Variants in NBEA observed in about 807,000 individuals in gnomAD.
The protein encoded by NBEA is lysosomal-trafficking regulator 2.
NBEA carries 44 observed loss-of-function variants against 343.4 expected under a neutral mutation model. The ratio of observed to expected loss-of-function variants is 0.13; its 90% confidence interval spans 0.10 to 0.16. NBEA has a LOEUF of 0.16. NBEA is among the 10% of genes least tolerant of loss of function. The pLI, the probability that NBEA is intolerant of heterozygous loss-of-function variation, is 1.00. For synonymous variants in NBEA, 1,175 were observed against 1,238.7 expected, an observed-to-expected ratio of 0.95 and a Z score of 1.08; for missense variants, 2,555 against 3,631.3, an observed-to-expected ratio of 0.70 and a Z score of 7.62.
At chr13:35,450,525 G>A (rs2046257990) in intron 39 of NBEA, among the ~76,000 whole-genome samples, 1 of 151,978 alleles carries the variant, frequency 6.6e-6, no homozygotes, top group Admixed American at 6.6e-5. Flanking sequence ...ACATCAATAG[G>A]CAGTAATGGA....
chr13:35,412,658 T>C (rs1319753744), intron 38 of NBEA, among the ~76,000 whole-genome samples: 3 of 152,158 alleles, frequency 2.0e-5, no homozygotes. Context: ...CATACAGTAC[T>C]CTATGTATAT....
At position 35,051,016 on chromosome 13, in the gene NBEA, G is replaced by A. The variant is rs1256850426; in HGVS notation, c.972+621G>A. Reference sequence around the variant, plus strand: ...AATGCAGAGAACTGTGCAACTGTATGATTAGAATTATAAGAGATAATTCAT... The same window carrying A: ...AATGCAGAGAACTGTGCAACTGTATAATTAGAATTATAAGAGATAATTCAT... On this transcript the variant is annotated intron_variant, in intron 6 of 58. Transcript: ENST00000379939. Among the ~76,000 whole-genome samples the A allele has an allele frequency of 2.0e-5, 3 of 151,958 alleles. No homozygotes were observed. In the East Asian group the frequency reaches 5.8e-4, roughly 29 times the overall value.
chr13:34,973,628 G>A (rs2060070641), intron 1 of NBEA, among the ~76,000 whole-genome samples: 1 of 152,042 alleles, frequency 6.6e-6, no homozygotes, highest in Non-Finnish European at 1.5e-5. Flanking sequence ...GACTCTCCAG[G>A]GCCTGCAGGC....
chr13:35,284,014 A>ACC (rs201789637), intron 34 of NBEA, among the ~76,000 whole-genome samples: 2 of 141,490 alleles, frequency 1.4e-5, no homozygotes, highest in South Asian at 2.2e-4. Flanking sequence ...ACACACACAC[A>ACC]CCACACAGAT....
At chr13:35,235,335 C>G (rs1274030880) in intron 34 of NBEA, among the ~76,000 whole-genome samples, 1 of 152,110 alleles carries the variant, frequency 6.6e-6, no homozygotes, top group African/African-American at 2.4e-5. Flanking sequence ...AAAAACAAAT[C>G]TTAAATGTTT....
At chr13:35,140,027 A>C (rs578234709) in intron 17 of NBEA, among the ~76,000 whole-genome samples, 1 of 152,138 alleles carries the variant, frequency 6.6e-6, no homozygotes, top group East Asian at 1.9e-4. Context: ...TTAATTAATT[A>C]GTTCACTTTT....
At chr13:35,270,377 G>A (rs916739710) in intron 34 of NBEA, among the ~76,000 whole-genome samples, 1 of 152,190 alleles carries the variant, frequency 6.6e-6, no homozygotes, top group Admixed American at 6.5e-5. Context: ...ATGGCTGAGT[G>A]GGAAAAGCTT....
chr13:35,409,286 A>C (rs1302241626), intron 38 of NBEA, among the ~76,000 whole-genome samples: 1 of 152,130 alleles, frequency 6.6e-6, no homozygotes, highest in Admixed American at 6.6e-5. Context: ...AATGGAAGCT[A>C]AATGATGAGA....
intron 1 of NBEA, among the ~76,000 whole-genome samples, chr13:35,015,407 G>A (rs915446180): frequency 6.6e-6 from 1 of 151,914 alleles, no homozygotes; most frequent in African/African-American, 2.4e-5. Flanking sequence ...AAGATGGGAG[G>A]AGGCAAAAAA....
intron 8 of NBEA, among the ~76,000 whole-genome samples, chr13:35,062,109 T>C (rs929612248): frequency 1.5e-4 from 22 of 151,632 alleles, no homozygotes; most frequent in African/African-American, 5.3e-4. Context: ...AAATATCACA[T>C]GAGGTCTATT....
At chr13:35,372,144 T>A (rs1470517445) in intron 38 of NBEA, among the ~76,000 whole-genome samples, 2 of 152,192 alleles carry the variant, frequency 1.3e-5, no homozygotes, top group South Asian at 4.1e-4. Flanking sequence ...GGTGGGTAGA[T>A]GGGCAGATTG....
intron 1 of NBEA, among the ~76,000 whole-genome samples, chr13:34,967,961 A>T (rs1352120637): frequency 6.6e-6 from 1 of 152,116 alleles, no homozygotes; most frequent in Non-Finnish European, 1.5e-5. Flanking sequence ...CATTTCAGAT[A>T]CCAGCCTGAA....
intron 38 of NBEA, among the ~76,000 whole-genome samples, chr13:35,409,323 A>C (rs1443426551): frequency 4.6e-5 from 7 of 152,090 alleles, no homozygotes; most frequent in African/African-American, 1.7e-4. Context: ...GGGAAATGAC[A>C]CACACTGGGG....
At chr13:35,378,654 T>G (rs1784517825) in intron 38 of NBEA, among the ~76,000 whole-genome samples, 1 of 151,962 alleles carries the variant, frequency 6.6e-6, no homozygotes, top group Non-Finnish European at 1.5e-5. Context: ...TTTTTTTCCT[T>G]TATATTAAAG....
intron 16 of NBEA, among the ~76,000 whole-genome samples, chr13:35,120,250 T>C (rs570634117): frequency 6.6e-6 from 1 of 152,294 alleles, no homozygotes; most frequent in South Asian, 2.1e-4. Flanking sequence ...GATTTACATG[T>C]ATTTTAAATG....
chr13:35,482,535 A>G (rs752415027), intron 41 of NBEA, among the ~76,000 whole-genome samples: 1 of 151,578 alleles, frequency 6.6e-6, no homozygotes, highest in Non-Finnish European at 1.5e-5. Flanking sequence ...TTTTACATTC[A>G]CATATCCTTA....
intron 41 of NBEA, among the ~76,000 whole-genome samples, chr13:35,482,839 C>A (rs555804700): frequency 2.0e-5 from 3 of 151,834 alleles, no homozygotes; most frequent in Admixed American, 1.3e-4. Flanking sequence ...GAAGCTCTAC[C>A]ACACATGTAG....
chr13:35,359,015 G>C (rs200275314), intron 38 of NBEA, among the ~76,000 whole-genome samples: 1 of 152,178 alleles, frequency 6.6e-6, no homozygotes, highest in South Asian at 2.1e-4. Flanking sequence ...GTAGTGGCTT[G>C]AGAGGAGGCT....
chr13:35,571,324 C>T (rs1025272215), intron 45 of NBEA, among the ~76,000 whole-genome samples: 2 of 152,224 alleles, frequency 1.3e-5, no homozygotes, highest in African/African-American at 4.8e-5. Flanking sequence ...TTTCAGAAAA[C>T]ACAGCTGAAA....
Sources: gnomAD v4.1 joint callset for allele counts (sites outside exome capture counted in the v4.1 genomes callset) on GRCh38, gnomAD v4.1.1 for gene constraint, MANE v1.5 for transcripts, NCBI Gene and HGNC (gene_info 2026-07-23, HGNC 2026-07-21) for gene names.